Variants in RTEL1 observed in about 807,000 individuals in gnomAD.
The protein encoded by RTEL1 is regulator of telomere length.
A neutral mutation model predicts 162.2 loss-of-function variants in RTEL1; 86 were observed. The observed-to-expected ratio is 0.53, with a 90% CI of 0.45 to 0.63. RTEL1 has a LOEUF of 0.63. Ranked by LOEUF, RTEL1 falls within the 30% of genes least tolerant of loss-of-function variation. The pLI is 0.00. For missense variants in RTEL1, 1,941 were observed against 1,750.2 expected (o/e 1.11, Z -1.95); for synonymous variants, 958 against 717.9 (o/e 1.33, Z -5.35).
chr20:63,677,268 T>A (rs1601130078), intron 10 of RTEL1, among the ~76,000 whole-genome samples: 1 of 152,168 alleles, frequency 6.6e-6, no homozygotes, highest in Non-Finnish European at 1.5e-5. Flanking sequence ...TTACTGGGTG[T>A]TTTCGTGGAG....
intron 8 of RTEL1, among the ~76,000 whole-genome samples, chr20:63,669,566 A>C (rs1025367388): frequency 2.6e-5 from 4 of 152,264 alleles, no homozygotes; most frequent in African/African-American, 7.2e-5. Context: ...AGGACCTTTG[A>C]CCAGAGTATG....
chr20:63,677,967 G>A (rs558067987), intron 10 of RTEL1, among the ~76,000 whole-genome samples, 178 bp from the exon 11 acceptor site: 2 of 149,824 alleles, frequency 1.3e-5, no homozygotes, highest in Admixed American at 6.6e-5. Flanking sequence ...TGGCCTGCAC[G>A]GATTCTGTGT....
At chr20:63,683,212 C>T (rs1039152283) in intron 14 of RTEL1, among the ~76,000 whole-genome samples, 3 of 152,208 alleles carry the variant, frequency 2.0e-5, no homozygotes, top group East Asian at 1.9e-4. Flanking sequence ...GCAGTCTGCC[C>T]GCCTTGGCCT....
At chr20:63,659,052 G>C (rs978343597) in intron 1 of RTEL1, among the ~76,000 whole-genome samples, 181 bp from the exon 2 acceptor site, 4 of 152,352 alleles carry the variant, frequency 2.6e-5, no homozygotes, top group Admixed American at 2.6e-4. Context: ...CGGAGTTGTG[G>C]GGCGGGAGGA....
chr20:63,681,339 G>T (rs568951054), intron 14 of RTEL1: 2 of 985,386 alleles, frequency 2.0e-6, no homozygotes, highest in African/African-American at 3.5e-5. Flanking sequence ...CTCTGGGCAC[G>T]TTGCCTCTCC....
intron 5 of RTEL1, 64 bp from the exon 6 acceptor site, chr20:63,662,765 G>A (rs369560208): frequency 2.1e-5 from 33 of 1,599,276 alleles, no homozygotes; most frequent in Non-Finnish European, 2.7e-5. Context: ...TGGTGGGGGT[G>A]GGGACTGGCT....
intron 30 of RTEL1, 79 bp downstream of exon 30, chr20:63,693,362 G>T (rs934118844): frequency 1.7e-5 from 27 of 1,548,056 alleles, no homozygotes; most frequent in Non-Finnish European, 2.2e-5. Flanking sequence ...TGCTTGGGGT[G>T]GGCATCCTCG....
At chr20:63,693,711 ACCACCACCTGCACCACCACCTCCACCT>A (rs2090879213) in intron 30 of RTEL1, among the ~76,000 whole-genome samples, 1 of 16,156 alleles carries the variant, frequency 6.2e-5, no homozygotes. Context: ...CACCTCCACC[ACCACCACCTGCACCACCACCTCCACCT>A]CCACCACCAC....
chr20:63,695,862 C>G lies in RTEL1; in HGVS notation c.*4C>G. 6.3e-7 allele frequency: 1 copy of G among 1,577,756 alleles called. No homozygotes were observed. The highest frequency in any genetic ancestry group is 8.6e-7 in the Non-Finnish European group (1 of 1,163,394). On this transcript the variant is annotated 3_prime_UTR_variant, in exon 35 of 35. Coordinates refer to ENST00000360203, the MANE Select transcript of RTEL1 (RefSeq NM_001283009.2). ...CTTCTGGCCAGAGCCCCAGTGAGTG[C>G]CCACGGAGGCCCCCAGCACACCCAA...
Position 63,688,698 on chromosome 20 carries a change from T to G in RTEL1, c.1800+93T>G, listed in dbSNP as rs2090652963. 1.1e-5 allele frequency: 14 copies of G among 1,223,046 alleles called. No homozygotes were observed. In the South Asian group the frequency reaches 1.7e-4, roughly 15 times the overall value. The allele number at this position is 1,223,046 out of a possible 1,614,324, so 75.8% of individuals were successfully genotyped here. A position where few individuals can be genotyped will look rare whatever the true frequency, so the allele number is the denominator to read the frequency against. ...CAAGGCTGACCACTGGCCCTGACCATGGGCTCCGGCGGCTCCCGCTGCCTC... is the reference window on the plus strand; with the variant it reads ...CAAGGCTGACCACTGGCCCTGACCAGGGGCTCCGGCGGCTCCCGCTGCCTC... On this transcript the variant is annotated intron_variant, in intron 21 of 34. Transcript: ENST00000360203.
intron 27 of RTEL1, 64 bp downstream of exon 27, chr20:63,691,011 C>A: frequency 6.8e-7 from 1 of 1,462,152 alleles, no homozygotes; most frequent in Non-Finnish European, 9.1e-7. Flanking sequence ...CCCGACCCCG[C>A]CCATCTGGCC....
In RTEL1 at chr20:63,661,561, G is replaced by T; in HGVS notation, c.301+65G>T. The T allele has an allele frequency of 6.7e-7, 1 of 1,499,830 alleles. No homozygotes were observed. Among genetic ancestry groups the T allele is most frequent in the Non-Finnish European group, 9.0e-7 (1 of 1,108,336 alleles). The allele number at this position is 1,499,830 out of a possible 1,614,324, so 92.9% of individuals were successfully genotyped here. On this transcript the variant is annotated intron_variant, in intron 3 of 34. Coordinates refer to ENST00000360203, the MANE Select transcript of RTEL1 (RefSeq NM_001283009.2). The surrounding 1 kb of genome is among the most constrained non-coding windows in gnomAD (Gnocchi z 5.1). Reference sequence around the variant, plus strand: ...GATGGTTGGCAAGGGATGGCGCTGAGGGTGGGGTGGGCCCATGGGGACTCC... The same window carrying T: ...GATGGTTGGCAAGGGATGGCGCTGATGGTGGGGTGGGCCCATGGGGACTCC...
chr20:63,688,094 A>G (rs2090637479), intron 18 of RTEL1, 44 bp downstream of exon 18: 1 of 1,611,694 alleles, frequency 6.2e-7, no homozygotes, highest in Admixed American at 1.7e-5. Context: ...GAGGTGGGGG[A>G]GCACTGAGGC....
At chr20:63,682,139 G>C in intron 14 of RTEL1, 1 of 985,446 alleles carries the variant, frequency 1.0e-6, no homozygotes, top group Non-Finnish European at 1.2e-6. Flanking sequence ...TTATGGAGAA[G>C]TCTCCTCCAC....
chr20:63,685,468 A>G, intron 14 of RTEL1, 55 bp from the exon 15 acceptor site: 2 of 1,569,656 alleles, frequency 1.3e-6, no homozygotes, highest in Non-Finnish European at 1.7e-6. Flanking sequence ...CTGATGCTGC[A>G]GAAAGTCGGG....
At chr20:63,679,974 C>G (rs538222307) in intron 13 of RTEL1, 28 bp downstream of exon 13, 33 of 1,548,648 alleles carry the variant, frequency 2.1e-5, no homozygotes, top group Non-Finnish European at 2.7e-5. Context: ...GTCTTTGGTG[C>G]GGGCAAATGT....
At chr20:63,666,140 T>C in intron 7 of RTEL1, 61 bp downstream of exon 7, 1 of 1,286,338 alleles carries the variant, frequency 7.8e-7, no homozygotes, top group Non-Finnish European at 1.1e-6. Flanking sequence ...TCCTGTGACC[T>C]GTGGAGGCCC....
chr20:63,690,862 C>A lies in RTEL1; in HGVS notation c.2471C>A (p.Pro824Gln), dbSNP rs769874593. 1.4e-5 allele frequency: 22 copies of A among 1,602,836 alleles called. No homozygotes were observed. The highest frequency in any genetic ancestry group is 1.9e-5 in the Non-Finnish European group (22 of 1,176,160). ...CTGTGTGTGGAGTATGAGCAGGAGCCAGTTCCTGCCCGGCAGAGGCCCAGG... is the reference window on the plus strand; with the variant it reads ...CTGTGTGTGGAGTATGAGCAGGAGCAAGTTCCTGCCCGGCAGAGGCCCAGG... ...SSLCVEYEQE[P>Q]VPARQRPRGL... Residue 824 changes from proline (P) to glutamine (Q), a missense_variant, in exon 27 of 35, where the codon CCA (proline) becomes CAA (glutamine). Pro to Gln is a moderately conservative substitution (Grantham distance 76). Transcript: ENST00000360203.
At chr20:63,691,903 GCCCC>G in intron 28 of RTEL1, 66 bp downstream of exon 28, 11 of 1,352,396 alleles carry the variant, frequency 8.1e-6, no homozygotes, top group South Asian at 1.2e-5. Context: ...AGCCGTGGGT[GCCCC>G]CAGCCACGGC....
Sources: allele counts gnomAD v4.1 joint callset (sites outside exome capture counted in the v4.1 genomes callset), GRCh38; gene constraint gnomAD v4.1.1; non-coding constraint Gnocchi (gnomAD v3.1); transcripts MANE v1.5; gene names NCBI Gene and HGNC (gene_info 2026-07-23, HGNC 2026-07-21).